SAMTOR: variants seen among roughly 807,000 people sequenced by gnomAD.
The protein encoded by SAMTOR is S-adenosylmethionine sensor upstream of mTORC1.
At chr7:112,911,254 A>AAGC in the SAMTOR span, among the ~76,000 whole-genome samples, 1 of 152,148 alleles carries the variant, frequency 6.6e-6, no homozygotes, top group South Asian at 2.1e-4. Flanking sequence ...TGGAACTAAA[A>AAGC]AGCAGAAAAA....
the SAMTOR span, among the ~76,000 whole-genome samples, chr7:112,849,772 T>C: frequency 6.6e-6 from 1 of 152,224 alleles, no homozygotes; most frequent in Non-Finnish European, 1.5e-5. Context: ...GGTATGTTCC[T>C]GCAATGCCTA....
chr7:112,930,819 T>G, the SAMTOR span, among the ~76,000 whole-genome samples: 1 of 152,222 alleles, frequency 6.6e-6, no homozygotes, highest in East Asian at 1.9e-4. Flanking sequence ...ATGAGGAAAC[T>G]GAAGTAGAGC....
chr7:112,865,113 A>C, the SAMTOR span, among the ~76,000 whole-genome samples: 1 of 152,200 alleles, frequency 6.6e-6, no homozygotes, highest in Non-Finnish European at 1.5e-5. Context: ...ATCTTTGGTT[A>C]GATTTAAAAT....
At chr7:112,916,289 G>A in the SAMTOR span, among the ~76,000 whole-genome samples, 1 of 152,168 alleles carries the variant, frequency 6.6e-6, no homozygotes. Flanking sequence ...GAATGCTATT[G>A]CTAAATAAAG....
At chr7:112,821,741 A>G in the SAMTOR span, 5 of 1,581,424 alleles carry the variant, frequency 3.2e-6, no homozygotes, top group East Asian at 2.2e-5. Context: ...TTTTGCTTCT[A>G]TATTAACTTA....
the SAMTOR span, among the ~76,000 whole-genome samples, chr7:112,848,379 TTCTA>T: frequency 2.9e-3 from 444 of 152,250 alleles, 3 homozygotes; most frequent in African/African-American, 0.01. Context: ...TGAATACCTA[TTCTA>T]TCTGTTAGCC....
the SAMTOR span, among the ~76,000 whole-genome samples, chr7:112,877,232 G>T: frequency 6.6e-6 from 1 of 152,320 alleles, no homozygotes; most frequent in Non-Finnish European, 1.5e-5. Flanking sequence ...CCACAAGGCA[G>T]ATGTGGACTT....
the SAMTOR span, among the ~76,000 whole-genome samples, chr7:112,830,420 C>T: frequency 2.6e-5 from 4 of 152,136 alleles, no homozygotes; most frequent in Admixed American, 6.6e-5. Context: ...TATGTATAGC[C>T]GTCTTTTGTC....
the SAMTOR span, chr7:112,935,219 G>A: frequency 4.5e-6 from 2 of 447,198 alleles, no homozygotes; most frequent in Non-Finnish European, 8.9e-6. Context: ...GTTTCTTAAG[G>A]TCTTGGACTT....
chr7:112,828,246 T>A, the SAMTOR span, among the ~76,000 whole-genome samples: 1 of 152,226 alleles, frequency 6.6e-6, no homozygotes. Context: ...GCTTAAACAA[T>A]ATAAATTTTC....
At chr7:112,837,335 G>T in the SAMTOR span, among the ~76,000 whole-genome samples, 1 of 151,978 alleles carries the variant, frequency 6.6e-6, no homozygotes, top group Non-Finnish European at 1.5e-5. Context: ...GGAGCTTTTA[G>T]CAGAGACTAT....
chr7:112,851,702 CAGAGT>C, the SAMTOR span, among the ~76,000 whole-genome samples: 2 of 152,118 alleles, frequency 1.3e-5, no homozygotes, highest in Non-Finnish European at 2.9e-5. Context: ...AAGTAATCAA[CAGAGT>C]AAACACACAA....
At chr7:112,901,483 T>C in the SAMTOR span, among the ~76,000 whole-genome samples, 1 of 152,176 alleles carries the variant, frequency 6.6e-6, no homozygotes, top group Non-Finnish European at 1.5e-5. Context: ...TGATTCTACA[T>C]TATGATGAGT....
At chr7:112,906,167 T>C in the SAMTOR span, among the ~76,000 whole-genome samples, 3 of 152,204 alleles carry the variant, frequency 2.0e-5, no homozygotes, top group Non-Finnish European at 4.4e-5. Context: ...ACTTCATTAT[T>C]GTGAAATCAC....
the SAMTOR span, among the ~76,000 whole-genome samples, chr7:112,864,831 T>C: frequency 6.6e-6 from 1 of 152,224 alleles, no homozygotes; most frequent in Non-Finnish European, 1.5e-5. Flanking sequence ...CACAGCTGAC[T>C]GCAACCTTGA....
chr7:112,821,441 T>G, the SAMTOR span: 1 of 202,246 alleles, frequency 4.9e-6, no homozygotes, highest in East Asian at 1.2e-4. Context: ...GGAAAACATA[T>G]AGCAAATTAT....
chr7:112,886,200 G>C, the SAMTOR span, among the ~76,000 whole-genome samples: 1 of 152,084 alleles, frequency 6.6e-6, no homozygotes, highest in East Asian at 1.9e-4. Flanking sequence ...GGGATTATGG[G>C]AACTACAATA....
chr7:112,920,101 A>T, the SAMTOR span, among the ~76,000 whole-genome samples: 7 of 151,310 alleles, frequency 4.6e-5, no homozygotes, highest in South Asian at 2.1e-4. Flanking sequence ...TCATTTTATG[A>T]GGCCAGCATC....
the SAMTOR span, among the ~76,000 whole-genome samples, chr7:112,851,436 A>G: frequency 6.6e-6 from 1 of 152,188 alleles, no homozygotes; most frequent in East Asian, 1.9e-4. Context: ...ACAAAAATAT[A>G]CAATGGGGAA....
Sources: allele counts gnomAD v4.1 joint callset (sites outside exome capture counted in the v4.1 genomes callset), GRCh38; gene constraint gnomAD v4.1.1; transcripts MANE v1.5; gene names NCBI Gene and HGNC (gene_info 2026-07-23, HGNC 2026-07-21).